Variants in CCN6 observed in about 807,000 individuals in gnomAD.
The protein encoded by CCN6 is cellular communication network factor 6, also known as CCN family member 6.
In CCN6, 31 loss-of-function variants were observed where a neutral mutation model predicts 37.4. That is an observed-to-expected ratio of 0.83 (90% CI 0.62 to 1.12). The LOEUF (loss-of-function observed/expected upper bound fraction) is 1.12. Among genes scored for constraint, CCN6 ranks in the 50% most tolerant of loss-of-function variants. CCN6 has a pLI of 0.00. For missense variants in CCN6, 369 were observed against 413.8 expected, an observed-to-expected ratio of 0.89 and a Z score of 0.94; for synonymous variants, 137 against 142.1, an observed-to-expected ratio of 0.96 and a Z score of 0.26.
chr6:112,055,661 G>C (rs1382792838), intron 1 of CCN6, among the ~76,000 whole-genome samples: 4 of 151,990 alleles, frequency 2.6e-5, no homozygotes, highest in Non-Finnish European at 5.9e-5. Context: ...TGCAGTCTTG[G>C]GTCACTGCAA....
chr6:112,056,359 T>C (rs1776348642), intron 1 of CCN6, among the ~76,000 whole-genome samples: 1 of 152,204 alleles, frequency 6.6e-6, no homozygotes, highest in Admixed American at 6.5e-5. Context: ...TATATAATTC[T>C]GGATTGACAG....
intron 1 of CCN6, chr6:112,059,934 G>A: frequency 2.3e-6 from 3 of 1,326,818 alleles, no homozygotes; most frequent in Middle Eastern, 2.1e-4. Context: ...GGGATAGGGT[G>A]CCCTTTCACA....
upstream of CCN6, among the ~76,000 whole-genome samples, chr6:112,053,865 T>A (rs3806965): frequency 1.2e-4 from 12 of 102,798 alleles, no homozygotes; most frequent in South Asian, 7.8e-4. Context: ...GTGCTGTTGG[T>A]GGGGGGGCCA....
chr6:112,057,807 G>A (rs187535507), intron 1 of CCN6, among the ~76,000 whole-genome samples: 121 of 152,234 alleles, frequency 7.9e-4, no homozygotes, highest in African/African-American at 2.8e-3. Flanking sequence ...AACACCAATA[G>A]GCCTAAATTT....
intron 1 of CCN6, among the ~76,000 whole-genome samples, chr6:112,059,580 C>T (rs1051511291): frequency 6.6e-5 from 10 of 152,128 alleles, no homozygotes; most frequent in Non-Finnish European, 8.8e-5. Flanking sequence ...CCTGGATAAT[C>T]GAGAGTGATA....
intron 1 of CCN6, among the ~76,000 whole-genome samples, chr6:112,055,087 G>C (rs1473302692): frequency 6.6e-6 from 1 of 152,224 alleles, no homozygotes; most frequent in Non-Finnish European, 1.5e-5. Context: ...TTACACGGTA[G>C]ACAGGAGACA....
rs1776762091 is a variant in CCN6 at position 112,068,340 on chromosome 6, A to G, written c.725A>G (p.Lys242Arg). The change falls in exon 4 of 5, where the codon AAA becomes AGA. Residue 242 changes from lysine (K) to arginine (R), a missense_variant. Physicochemically the swap from Lys to Arg is conservative, Grantham distance 26. Transcript: ENST00000368666. ...TNENSNCEMR[K>R]EKRLCYIQPC... Reference sequence around the variant, plus strand: ...GAAAACAGCAACTGTGAAATGAGAAAAGAGAAAAGACTGTGTTACATTCAG... The same window carrying G: ...GAAAACAGCAACTGTGAAATGAGAAGAGAGAAAAGACTGTGTTACATTCAG... 1.2e-6 allele frequency: 2 copies of G among 1,613,222 alleles called. No homozygotes were observed. The highest frequency in any genetic ancestry group is 1.7e-6 in the Non-Finnish European group (2 of 1,179,562).
intron 3 of CCN6, 97 bp from the exon 4 acceptor site, chr6:112,068,108 T>C: frequency 9.6e-7 from 1 of 1,038,896 alleles, no homozygotes; most frequent in Admixed American, 3.1e-5. Context: ...TATACAAAAA[T>C]ACTCAGATTT....
chr6:112,061,373 A>G (rs781886358), intron 2 of CCN6, 85 bp downstream of exon 2: 1 of 1,589,404 alleles, frequency 6.3e-7, no homozygotes, highest in Non-Finnish European at 8.6e-7. Context: ...TGGAGTGATC[A>G]GCTTAGTTTG....
chr6:112,069,301 A>C (rs1554314684), intron 4 of CCN6, 38 bp from the exon 5 acceptor site: 2 of 1,599,346 alleles, frequency 1.3e-6, no homozygotes, highest in East Asian at 2.2e-5. Flanking sequence ...TATTGTAATA[A>C]AATTTAAAGA....
chr6:112,054,283 G>T lies in CCN6; in HGVS notation c.-75G>T. ...CGTGGGGTTTGCAGAGGAGACAGGG[G>T]AGCTTTGTGTACCCGGAGCAATGAA... On this transcript the variant is annotated 5_prime_UTR_variant, in exon 1 of 5. Coordinates refer to ENST00000368666, the MANE Select transcript of CCN6 (RefSeq NM_198239.2). The T allele has an allele frequency of 6.2e-7, 1 of 1,611,950 alleles. No individual in the cohort carries two copies.
At chr6:112,057,896 C>T (rs1348854312) in intron 1 of CCN6, among the ~76,000 whole-genome samples, 1 of 151,876 alleles carries the variant, frequency 6.6e-6, no homozygotes, top group African/African-American at 2.4e-5. Flanking sequence ...ACTGGGGGGA[C>T]CAGATGTAAT....
intron 3 of CCN6, among the ~76,000 whole-genome samples, chr6:112,065,634 A>ACG (rs1394724611): frequency 1.3e-5 from 2 of 150,938 alleles, no homozygotes; most frequent in African/African-American, 4.9e-5. Context: ...ACGCACACAC[A>ACG]CACACACACA....
chr6:112,063,160 A>G (rs1206869498), intron 2 of CCN6, among the ~76,000 whole-genome samples: 1 of 152,182 alleles, frequency 6.6e-6, no homozygotes, highest in African/African-American at 2.4e-5. Flanking sequence ...ATCTGTTACT[A>G]TGTGTTTTTC....
At position 112,061,291 on chromosome 6, in the gene CCN6, A is replaced by G; in HGVS notation, c.346+3A>G. On this transcript the variant is annotated splice_donor_region_variant and intron_variant, in intron 2 of 4. Coordinates refer to ENST00000368666, the MANE Select transcript of CCN6 (RefSeq NM_198239.2). ...GTACGAGACTGGAGTGTGTGCATGT[A>G]AGTGTCTTCTTCTGGACCTGCTGGA... is the stretch of plus-strand genomic sequence containing the variant. The G allele has an allele frequency of 2.5e-6, 4 of 1,614,166 alleles. No individual in the cohort carries two copies. Among genetic ancestry groups the G allele is most frequent in the South Asian group, 1.1e-5 (1 of 91,090 alleles).
Position 112,061,178 on chromosome 6 carries a change from C to T in CCN6, c.236C>T (p.Ala79Val). 6.2e-7 allele frequency: 1 copy of T among 1,614,134 alleles called. No homozygotes were observed. Among genetic ancestry groups the T allele is most frequent in the Non-Finnish European group, 8.5e-7 (1 of 1,180,024 alleles). The change falls in exon 2 of 5, where the codon GCC becomes GTC. Residue 79 changes from alanine to valine, a missense_variant. Ala to Val is a moderately conservative substitution (Grantham distance 64). Transcript: ENST00000368666. Reference protein sequence around the residue: ...RDGCGCCKICAKQPGEICNEA... With the variant: ...RDGCGCCKICVKQPGEICNEA... ...GGCTGTGGATGCTGTAAAATCTGTG[C>T]CAAGCAACCAGGGGAAATCTGCAAT...
intron 1 of CCN6, 106 bp from the exon 2 acceptor site, chr6:112,060,885 G>A (rs1232074603): frequency 6.1e-6 from 8 of 1,322,106 alleles, no homozygotes; most frequent in Non-Finnish European, 6.4e-6. Context: ...TATAATGATT[G>A]TAACTCACCA....
At position 112,068,388 on chromosome 6, in the gene CCN6, A is replaced by C. The variant is rs782007689; in HGVS notation, c.773A>C (p.Lys258Thr). 23 of 1,610,878 alleles carry C rather than the reference A, an allele frequency of 1.4e-5. No individual in the cohort carries two copies. The South Asian group carries it at 2.5e-4, about 18-fold the overall frequency. The change falls in exon 4 of 5, where the codon AAG (lysine) becomes ACG (threonine). Residue 258 changes from lysine (K) to threonine (T), a missense_variant. Coordinates refer to ENST00000368666, the MANE Select transcript of CCN6 (RefSeq NM_198239.2). ...CAGCCTTGCGACAGCAATATATTAA[A>C]GACAATAAAGGTAAAGTTTAAATAT... ...YIQPCDSNIL[K>T]TIKIPKGKTC... is the part of the protein sequence containing the mutation.
chr6:112,061,129 C>G lies in CCN6; in HGVS notation c.187C>G (p.Pro63Ala), dbSNP rs782628679. The change falls in exon 2 of 5, where the codon CCT becomes GCT. Residue 63 changes from proline (P) to alanine (A), a missense_variant. Transcript: ENST00000368666. ...CCCTCAGCAGAAGCCCCGTTGCCCT[C>G]CTGGAGTGAGCCTGGTGAGAGATGG... ...KCPQQKPRCPPGVSLVRDGCG... is the reference protein window; with the variant it reads ...KCPQQKPRCPAGVSLVRDGCG... 1.2e-6 allele frequency: 2 copies of G among 1,614,156 alleles called. No homozygotes were observed. Among genetic ancestry groups the G allele is most frequent in the Non-Finnish European group, 1.7e-6 (2 of 1,180,038 alleles).
Sources: allele counts gnomAD v4.1 joint callset (sites outside exome capture counted in the v4.1 genomes callset), GRCh38; gene constraint gnomAD v4.1.1; transcripts MANE v1.5; gene names NCBI Gene and HGNC (gene_info 2026-07-23, HGNC 2026-07-21).